Variants in ESRRG observed in about 807,000 individuals in gnomAD.
ESRRG encodes estrogen-related receptor gamma.
Under a neutral mutation model 44.0 loss-of-function variants are expected in ESRRG, and 13 were observed. The ratio of observed to expected loss-of-function variants is 0.30; its 90% confidence interval spans 0.19 to 0.47. The LOEUF (loss-of-function observed/expected upper bound fraction) is 0.47. Among genes scored for constraint, ESRRG ranks in the 20% least tolerant of loss-of-function variants. ESRRG has a pLI of 1.00. For missense variants in ESRRG, 395 were observed against 580.6 expected (o/e 0.68, Z 3.29); for synonymous variants, 215 against 214.6 (o/e 1.00, Z -0.02).
At chr1:216,611,495 C>T (rs959981557) in intron 3 of ESRRG, among the ~76,000 whole-genome samples, 4 of 152,130 alleles carry the variant, frequency 2.6e-5, no homozygotes, top group African/African-American at 9.7e-5. Context: ...CATGTGTGCA[C>T]TCAGACACAC....
chr1:216,945,118 G>A (rs1268172642), intron 1 of ESRRG, among the ~76,000 whole-genome samples: 2 of 152,078 alleles, frequency 1.3e-5, no homozygotes, highest in Admixed American at 6.6e-5. Flanking sequence ...AAATGAGAGC[G>A]ATACCAAGGA....
Position 216,559,061 on chromosome 1 carries a change from G to A in ESRRG, c.862+5158C>T, listed in dbSNP as rs140888116. ...ATTTTTATACTTTTAGTAGAGACGG[G>A]GTTTTGCCATGTTGGCCAGCCTGAT... On this transcript the variant is annotated intron_variant, in intron 5 of 6. Coordinates refer to ENST00000408911, the MANE Select transcript of ESRRG (RefSeq NM_001438.4). 4.7e-4 allele frequency among the ~76,000 whole-genome samples: 71 copies of A among 151,940 alleles called. 1 individual carries two copies. In the South Asian group the frequency reaches 0.014, roughly 30 times the overall value.
chr1:216,506,805 C>T lies in ESRRG; in HGVS notation c.*134G>A. On this transcript the variant is annotated 3_prime_UTR_variant, in exon 7 of 7. Transcript: ENST00000408911. ...AGGAATCTGAAAGCTGCTTCATAGT[C>T]TTGCTGCTAAATTATCAGTGCAGTC... is the stretch of plus-strand genomic sequence containing the variant. The T allele has an allele frequency of 1.0e-6, 1 of 968,534 alleles. No individual in the cohort carries two copies. The highest frequency in any genetic ancestry group is 1.5e-6 in the Non-Finnish European group (1 of 649,258). The allele number at this position is 968,534 out of a possible 1,614,324, so 60.0% of individuals were successfully genotyped here. A position where few individuals can be genotyped will look rare whatever the true frequency, so the allele number is the denominator to read the frequency against.
rs1450241390 is a variant in ESRRG at position 216,503,768 on chromosome 1, C to G, written c.*3171G>C. 6.6e-6 allele frequency: 1 copy of G among 152,496 alleles called. No homozygotes were observed. The highest frequency in any genetic ancestry group is 1.5e-5 in the Non-Finnish European group (1 of 67,966). The allele number at this position is 152,496 out of a possible 1,614,324, so 9.4% of individuals were successfully genotyped here. A position where few individuals can be genotyped will look rare whatever the true frequency, so the allele number is the denominator to read the frequency against. On this transcript the variant is annotated 3_prime_UTR_variant, in exon 7 of 7. Coordinates refer to ENST00000408911, the MANE Select transcript of ESRRG (RefSeq NM_001438.4). Reference sequence around the variant, plus strand: ...AAAATAGTGGAATAAATACAACAATCTGATCTGATTGAAACACAAGTGTAA... The same window carrying G: ...AAAATAGTGGAATAAATACAACAATGTGATCTGATTGAAACACAAGTGTAA...
chr1:216,581,590 T>C lies in ESRRG; in HGVS notation c.590-13492A>G, dbSNP rs114108091. Reference sequence around the variant, plus strand: ...CACAAATTCAGACAACTACAGGGACTACCTACACAAAGTGAGTGAATGAAA... The same window carrying C: ...CACAAATTCAGACAACTACAGGGACCACCTACACAAAGTGAGTGAATGAAA... On this transcript the variant is annotated intron_variant, in intron 3 of 6. Transcript: ENST00000408911. 1.9e-3 allele frequency among the ~76,000 whole-genome samples: 292 copies of C among 151,678 alleles called. 1 individual carries two copies. The highest frequency in any genetic ancestry group is 3.0e-3 in the Non-Finnish European group (206 of 67,970).
At chr1:216,526,713 C>T (rs1014283002) in intron 5 of ESRRG, among the ~76,000 whole-genome samples, 1 of 152,176 alleles carries the variant, frequency 6.6e-6, no homozygotes, top group Admixed American at 6.5e-5. Flanking sequence ...AGGAATCTTC[C>T]AGTTCCAACA....
At chr1:216,596,179 C>G (rs561557052) in intron 3 of ESRRG, among the ~76,000 whole-genome samples, 1 of 152,302 alleles carries the variant, frequency 6.6e-6, no homozygotes, top group African/African-American at 2.4e-5. Flanking sequence ...CGTCACTTTA[C>G]CCTGTGTACA....
intron 1 of ESRRG, among the ~76,000 whole-genome samples, chr1:217,076,377 A>G (rs920261723): frequency 6.6e-6 from 1 of 152,166 alleles, no homozygotes; most frequent in Non-Finnish European, 1.5e-5. Context: ...ATAACAGCAC[A>G]CCAAACAAAC....
intron 1 of ESRRG, among the ~76,000 whole-genome samples, chr1:216,985,245 G>T (rs543163900): frequency 6.6e-6 from 1 of 152,254 alleles, no homozygotes; most frequent in Non-Finnish European, 1.5e-5. Flanking sequence ...TCACCTTTCA[G>T]TTTTTCCCAA....
intron 2 of ESRRG, among the ~76,000 whole-genome samples, chr1:216,926,274 A>G (rs1403170007): frequency 6.6e-6 from 1 of 152,080 alleles, no homozygotes; most frequent in African/African-American, 2.4e-5. Context: ...GACACACCAC[A>G]CTCTCATAAC....
At position 216,675,620 on chromosome 1, in the gene ESRRG, G is replaced by C. The variant is rs530663925; in HGVS notation, c.472+1456C>G. Among the ~76,000 whole-genome samples, 3 of 152,274 alleles carry C rather than the reference G, an allele frequency of 2.0e-5. No homozygotes were observed. The South Asian group carries it at 6.2e-4, about 32-fold the overall frequency. ...GCAGTAGCATGGTCTAGAGCAGGGG[G>C]TCTAAATTTGAATTAGCATCAGGAT... On this transcript the variant is annotated intron_variant, in intron 2 of 6. Transcript: ENST00000408911.
chr1:217,050,050 C>CT (rs1238839781), intron 1 of ESRRG, among the ~76,000 whole-genome samples: 1 of 152,196 alleles, frequency 6.6e-6, no homozygotes, highest in Non-Finnish European at 1.5e-5. Context: ...GCAAACGTCA[C>CT]TGTAAGTCAG....
At chr1:217,038,514 G>T (rs1272779944) in intron 1 of ESRRG, among the ~76,000 whole-genome samples, 1 of 152,192 alleles carries the variant, frequency 6.6e-6, no homozygotes, top group East Asian at 1.9e-4. Context: ...CATGGAACCT[G>T]CCAAGGTTTG....
chr1:216,691,180 T>C (rs897491336), intron 1 of ESRRG, among the ~76,000 whole-genome samples: 1 of 152,122 alleles, frequency 6.6e-6, no homozygotes, highest in Non-Finnish European at 1.5e-5. Context: ...AGGAAGTAGA[T>C]GCTATAGAAT....
At chr1:216,638,225 A>T (rs1220500947) in intron 3 of ESRRG, among the ~76,000 whole-genome samples, 1 of 152,170 alleles carries the variant, frequency 6.6e-6, no homozygotes, top group Non-Finnish European at 1.5e-5. Flanking sequence ...AGAATATTAC[A>T]TATATTATCT....
At chr1:216,806,492 A>C (rs2094796724) in intron 2 of ESRRG, among the ~76,000 whole-genome samples, 1 of 152,182 alleles carries the variant, frequency 6.6e-6, no homozygotes, top group East Asian at 1.9e-4. Context: ...GTTTTGAAAT[A>C]GGTCTTTTTT....
At chr1:216,554,224 T>G (rs1572863242) in intron 5 of ESRRG, among the ~76,000 whole-genome samples, 1 of 151,656 alleles carries the variant, frequency 6.6e-6, no homozygotes, top group Non-Finnish European at 1.5e-5. Flanking sequence ...AAGGCTGGGG[T>G]GGGTGGATCA....
intron 1 of ESRRG, among the ~76,000 whole-genome samples, chr1:216,984,175 A>T (rs1416536): frequency 0.85 from 129,949 of 152,082 alleles, 55,700 homozygotes; most frequent in East Asian, 1. Flanking sequence ...AAACAAGAGC[A>T]TCGTTCAGGT....
intron 1 of ESRRG, among the ~76,000 whole-genome samples, chr1:216,694,581 C>T (rs754418465): frequency 3.3e-5 from 5 of 151,302 alleles, no homozygotes; most frequent in Admixed American, 2.6e-4. Context: ...TTTTTTGACA[C>T]AGTCTCGATC....
Sources: gnomAD v4.1 joint callset for allele counts (sites outside exome capture counted in the v4.1 genomes callset) on GRCh38, gnomAD v4.1.1 for gene constraint, MANE v1.5 for transcripts, NCBI Gene and HGNC (gene_info 2026-07-23, HGNC 2026-07-21) for gene names.